LRRC61: variants seen among roughly 807,000 people sequenced by gnomAD.
LRRC61 encodes leucine rich repeat containing 61, also known as leucine-rich repeat-containing protein 61.
In LRRC61, 9 loss-of-function variants were observed where a neutral mutation model predicts 15.1. That is an observed-to-expected ratio of 0.60 (90% CI 0.36 to 1.04). LRRC61 has a LOEUF of 1.04. LRRC61 is among the 50% of genes least tolerant of loss of function. LRRC61 has a pLI of 0.01. For missense variants in LRRC61, 344 were observed against 335.6 expected (o/e 1.03, Z -0.20); for synonymous variants, 173 against 158.6 (o/e 1.09, Z -0.68).
In LRRC61 at chr7:150,330,390, C is replaced by T. The variant is rs1012582140; in HGVS notation, c.-145+4380C>T. The T allele has an allele frequency of 1.3e-6, 1 of 766,612 alleles. No homozygotes were observed. The highest frequency in any genetic ancestry group is 2.4e-6 in the Non-Finnish European group (1 of 417,948). 47.5% of individuals were successfully genotyped at this position (766,612 alleles called of 1,614,324 possible). ...CCCGGCAGACAGCCTCAGCAAGCTC[C>T]TGTAGCCCTTCCAGATGGTGGTCCG... On this transcript the variant is annotated intron_variant, in intron 2 of 2. Coordinates refer to ENST00000359623, the MANE Select transcript of LRRC61 (RefSeq NM_001142928.2). This position sits in a 1 kb window ranked among gnomAD's most constrained non-coding sequence, Gnocchi z 4.6.
At chr7:150,318,762 A>G (rs1479768422), upstream of LRRC61, among the ~76,000 whole-genome samples, 1 of 152,122 alleles carries the variant, frequency 6.6e-6, no homozygotes, top group Non-Finnish European at 1.5e-5. Context: ...AATGGCAACA[A>G]CAACAACAAA....
the LRRC61 span, among the ~76,000 whole-genome samples, chr7:150,314,561 T>C: frequency 6.6e-6 from 1 of 152,094 alleles, no homozygotes; most frequent in Non-Finnish European, 1.5e-5. Context: ...GTGGCAAACA[T>C]ATAGTTACTC....
upstream of LRRC61, among the ~76,000 whole-genome samples, chr7:150,321,416 C>T (rs943505649): frequency 2.6e-5 from 4 of 152,176 alleles, no homozygotes; most frequent in African/African-American, 4.8e-5. Flanking sequence ...CTTCCATCTC[C>T]GAGGCATGGA....
chr7:150,309,633 G>A, the LRRC61 span, among the ~76,000 whole-genome samples: 238 of 152,230 alleles, frequency 1.6e-3, 1 homozygote, highest in Middle Eastern at 3.4e-3. Flanking sequence ...TTCAAGTGCC[G>A]CAAAACTGGC....
At chr7:150,310,501 T>C in the LRRC61 span, among the ~76,000 whole-genome samples, 1 of 152,056 alleles carries the variant, frequency 6.6e-6, no homozygotes, top group Non-Finnish European at 1.5e-5. Context: ...GCCTCATAAA[T>C]CAAATTGTCC....
At position 150,336,932 on chromosome 7, in the gene LRRC61, G is replaced by A. The variant is rs200119255; in HGVS notation, c.71G>A (p.Arg24His). ...ATCACACCCCAGCTGCTGAAGTCAC[G>A]CACAGGCGAGTTCTCCCTGGAGTCC... ...LQITPQLLKS[R>H]TGEFSLESIL... The change falls in exon 3 of 3, where the codon CGC becomes CAC. Residue 24 changes from arginine (R) to histidine (H), a missense_variant. Transcript: ENST00000359623. The A allele has an allele frequency of 1.6e-5, 26 of 1,613,780 alleles. No homozygotes were observed. The highest frequency in any genetic ancestry group is 1.2e-4 in the Admixed American group (7 of 60,032).
At position 150,337,552 on chromosome 7, in the gene LRRC61, T is replaced by A; in HGVS notation, c.691T>A (p.Trp231Arg). Residue 231 changes from tryptophan to arginine, a missense_variant, in exon 3 of 3, where the codon TGG becomes AGG. Trp to Arg is a moderately radical substitution (Grantham distance 101). Transcript: ENST00000359623. ...GTTCCAGGACACACTGCAGGAGTGCTGGGACCTGGACCGCCAGGCCAGCGA... is the reference window on the plus strand; with the variant it reads ...GTTCCAGGACACACTGCAGGAGTGCAGGGACCTGGACCGCCAGGCCAGCGA... ...RQFQDTLQECWDLDRQASDSL... is the reference protein window; with the variant it reads ...RQFQDTLQECRDLDRQASDSL... 6.2e-7 allele frequency: 1 copy of A among 1,601,616 alleles called. No homozygotes were observed.
At chr7:150,314,624 T>C in the LRRC61 span, among the ~76,000 whole-genome samples, 1 of 152,244 alleles carries the variant, frequency 6.6e-6, no homozygotes, top group African/African-American at 2.4e-5. Flanking sequence ...CTTTTCTAGA[T>C]GTTTAAAATA....
the LRRC61 span, among the ~76,000 whole-genome samples, chr7:150,311,599 C>T: frequency 6.6e-6 from 1 of 152,206 alleles, no homozygotes; most frequent in African/African-American, 2.4e-5. Flanking sequence ...GCACCCAGCA[C>T]AAGTCCTGAG....
intron 2 of LRRC61, among the ~76,000 whole-genome samples, chr7:150,327,655 CA>C (rs1428078683): frequency 6.6e-6 from 1 of 151,350 alleles, no homozygotes; most frequent in Non-Finnish European, 1.5e-5. Context: ...CTTGTCTCTA[CA>C]AAAAAATTAA....
At position 150,337,159 on chromosome 7, in the gene LRRC61, CAG is replaced by C. The variant is rs751375450; in HGVS notation, c.301_302del (p.Leu102GlnfsTer61). ...GCCACTGGCCACCTGTGAGAACTTG[CAG>C]AGTCTCAATGCCGCAGGCAACCTAC... is the stretch of plus-strand genomic sequence containing the variant. ...LEPLATCENL[Q>X]SLNAAGNLLA... On this transcript the variant is annotated frameshift_variant, in exon 3 of 3. Coordinates refer to ENST00000359623, the MANE Select transcript of LRRC61 (RefSeq NM_001142928.2). LOFTEE classifies it high-confidence loss of function. The C allele has an allele frequency of 6.8e-6, 11 of 1,610,734 alleles. No homozygotes were observed. In the South Asian group the frequency reaches 9.9e-5, roughly 14 times the overall value.
rs756602546 is a variant in LRRC61, at chr7:150,336,840, C to G, written c.-22C>G. On this transcript the variant is annotated 5_prime_UTR_variant, in exon 3 of 3. Coordinates refer to ENST00000359623, the MANE Select transcript of LRRC61 (RefSeq NM_001142928.2). ...GTGACAGTCCTGCCAGGGCCCAGGC[C>G]ATCCCAACCGACTTCCATCTCATGG... 1.3e-6 allele frequency: 2 copies of G among 1,584,900 alleles called. No individual in the cohort carries two copies. Among genetic ancestry groups the G allele is most frequent in the African/African-American group, 1.3e-5 (1 of 74,816 alleles).
chr7:150,315,981 T>G, the LRRC61 span, among the ~76,000 whole-genome samples: 1 of 152,178 alleles, frequency 6.6e-6, no homozygotes, highest in Non-Finnish European at 1.5e-5. Flanking sequence ...GTGGATCACC[T>G]GAGGTCAGGA....
the LRRC61 span, among the ~76,000 whole-genome samples, chr7:150,314,787 AC>A: frequency 7.8e-3 from 1,157 of 147,832 alleles, 38 homozygotes; most frequent in East Asian, 0.11. Flanking sequence ...AAAAAAAAAA[AC>A]AACAACAACA....
At chr7:150,315,724 A>C in the LRRC61 span, among the ~76,000 whole-genome samples, 1 of 151,850 alleles carries the variant, frequency 6.6e-6, no homozygotes, top group Non-Finnish European at 1.5e-5. Context: ...TTCCAGAGAG[A>C]CTCTAGCATG....
chr7:150,309,905 G>A, the LRRC61 span, among the ~76,000 whole-genome samples: 1 of 152,114 alleles, frequency 6.6e-6, no homozygotes, highest in Non-Finnish European at 1.5e-5. Context: ...TGGAGGGTAA[G>A]TCCGTCCCCT....
At chr7:150,316,483 A>ATTTTTTT in the LRRC61 span, among the ~76,000 whole-genome samples, 2 of 80,528 alleles carry the variant, frequency 2.5e-5, no homozygotes, top group Admixed American at 1.3e-4. Context: ...GAATCTGGTT[A>ATTTTTTT]TTTTTTTTTT....
the LRRC61 span, among the ~76,000 whole-genome samples, chr7:150,314,956 TAATAATA>T: frequency 6.8e-6 from 1 of 147,632 alleles, no homozygotes; most frequent in Admixed American, 6.8e-5. Flanking sequence ...AGTTTCAACA[TAATAATA>T]AATAATAAAT....
At chr7:150,326,924 T>C (rs1018974969) in intron 2 of LRRC61, among the ~76,000 whole-genome samples, 4 of 152,164 alleles carry the variant, frequency 2.6e-5, no homozygotes, top group South Asian at 4.1e-4. Flanking sequence ...TTGGATTTAT[T>C]GGTGGCTGAA....
Sources: allele counts gnomAD v4.1 joint callset (sites outside exome capture counted in the v4.1 genomes callset), GRCh38; gene constraint gnomAD v4.1.1; non-coding constraint Gnocchi (gnomAD v3.1); transcripts MANE v1.5; gene names NCBI Gene and HGNC (gene_info 2026-07-23, HGNC 2026-07-21).